The following DPP10 variants were observed in gnomAD, a reference collection of about 807,000 sequenced individuals.
DPP10 encodes the protein inactive dipeptidyl peptidase 10.
DPP10 carries 33 observed loss-of-function variants against 120.9 expected under a neutral mutation model. That is an observed-to-expected ratio of 0.27 (90% CI 0.21 to 0.37). The LOEUF is 0.37. Among genes scored for constraint, DPP10 ranks in the 10% least tolerant of loss-of-function variants. DPP10 has a pLI of 1.00. For synonymous variants in DPP10, 337 were observed against 326.1 expected, an observed-to-expected ratio of 1.03 and a Z score of -0.36; for missense variants, 816 against 942.8, an observed-to-expected ratio of 0.87 and a Z score of 1.76.
At chr2:114,980,228 G>A (rs1012976688) in intron 1 of DPP10, among the ~76,000 whole-genome samples, 1 of 152,108 alleles carries the variant, frequency 6.6e-6, no homozygotes, top group African/African-American at 2.4e-5. Flanking sequence ...CAGCCTATAT[G>A]TGAGGACAGT....
intron 5 of DPP10, among the ~76,000 whole-genome samples, chr2:115,622,707 T>G (rs1221328486): frequency 2.0e-5 from 3 of 152,138 alleles, no homozygotes; most frequent in Non-Finnish European, 4.4e-5. Context: ...CTTCATACTT[T>G]CTAATACTTC....
At chr2:115,251,265 G>T (rs889862086) in intron 1 of DPP10, among the ~76,000 whole-genome samples, 5 of 152,160 alleles carry the variant, frequency 3.3e-5, no homozygotes, top group African/African-American at 1.2e-4. Context: ...AGGTTTGATT[G>T]GCCTAGTTTT....
intron 1 of DPP10, among the ~76,000 whole-genome samples, chr2:115,163,766 T>G (rs2104991859): frequency 6.6e-6 from 1 of 152,298 alleles, no homozygotes; most frequent in East Asian, 1.9e-4. Flanking sequence ...CTTTGCTCAC[T>G]AACCTGTGAC....
chr2:114,726,333 T>A (rs1163652135), intron 1 of DPP10, among the ~76,000 whole-genome samples: 1 of 152,146 alleles, frequency 6.6e-6, no homozygotes, highest in Non-Finnish European at 1.5e-5. Flanking sequence ...CTCAAATTGA[T>A]GTCCAGTGCC....
chr2:115,620,015 G>GT (rs2084825609), intron 5 of DPP10, among the ~76,000 whole-genome samples: 1 of 152,154 alleles, frequency 6.6e-6, no homozygotes, highest in Non-Finnish European at 1.5e-5. Context: ...CATTTCATAC[G>GT]TAGTATGTTG....
intron 5 of DPP10, among the ~76,000 whole-genome samples, chr2:115,656,546 T>C (rs1172511549): frequency 2.0e-5 from 3 of 151,660 alleles, no homozygotes; most frequent in Non-Finnish European, 3.0e-5. Context: ...AATTATAAGT[T>C]CTATCTGGGG....
At chr2:115,648,534 C>T (rs1433072005) in intron 5 of DPP10, among the ~76,000 whole-genome samples, 1 of 151,200 alleles carries the variant, frequency 6.6e-6, no homozygotes, top group African/African-American at 2.4e-5. Flanking sequence ...GTGATGGGTT[C>T]TTAGGTGCAG....
intron 1 of DPP10, among the ~76,000 whole-genome samples, chr2:114,475,844 C>G (rs1379078452): frequency 6.6e-6 from 1 of 152,166 alleles, no homozygotes; most frequent in East Asian, 1.9e-4. Context: ...AATAGGAACT[C>G]TCTTTCCTGT....
rs1261679307 is a variant in DPP10 at position 115,503,734 on chromosome 2, GTTTC to G, written c.366+4140_366+4143del. Among the ~76,000 whole-genome samples the G allele has an allele frequency of 3.9e-5, 6 of 152,232 alleles. No individual in the cohort carries two copies. In the East Asian group the frequency reaches 1.2e-3, roughly 29 times the overall value. On this transcript the variant is annotated intron_variant, in intron 4 of 25. Coordinates refer to ENST00000410059, the MANE Select transcript of DPP10 (RefSeq NM_020868.6). Reference sequence around the variant, plus strand: ...ATCAATGTTGTGTTTTGACAGTATTGTTTCTTTCTTTCTCTAGAGCAGTGTTTCT... The same window carrying G: ...ATCAATGTTGTGTTTTGACAGTATTGTTTCTTTCTCTAGAGCAGTGTTTCT...
chr2:114,660,782 G>T (rs936158824), intron 1 of DPP10, among the ~76,000 whole-genome samples: 13 of 152,152 alleles, frequency 8.5e-5, no homozygotes, highest in African/African-American at 3.1e-4. Context: ...TTGGCAGTAA[G>T]TACTGGCTCT....
chr2:114,567,528 G>T (rs1034681706), intron 1 of DPP10, among the ~76,000 whole-genome samples: 4 of 152,114 alleles, frequency 2.6e-5, no homozygotes, highest in African/African-American at 9.7e-5. Context: ...AACGTATGAG[G>T]CATCTAGAAG....
At chr2:115,435,428 C>T (rs2071406334) in intron 3 of DPP10, among the ~76,000 whole-genome samples, 1 of 151,672 alleles carries the variant, frequency 6.6e-6, no homozygotes, top group Non-Finnish European at 1.5e-5. Flanking sequence ...TGGTTTGATT[C>T]TAATTTCCCT....
chr2:114,759,843 C>A (rs1275209122), intron 1 of DPP10, among the ~76,000 whole-genome samples: 2 of 151,874 alleles, frequency 1.3e-5, no homozygotes, highest in African/African-American at 4.8e-5. Flanking sequence ...AAGATGATGT[C>A]CAAGTGCCAG....
rs564603609 is a variant in DPP10 at position 114,543,880 on chromosome 2, T to TGG, written c.60+101042_60+101043insGG. On this transcript the variant is annotated intron_variant, in intron 1 of 25. Transcript: ENST00000410059. ...TGAATGTAGCTTGTTTTTTTTGTTG[T>TGG]TGGTGGTGGTGGTGGTTGTTTTTGT... 6.2e-3 allele frequency among the ~76,000 whole-genome samples: 941 copies of TGG among 151,366 alleles called. 8 individuals are homozygous for TGG. The highest frequency in any genetic ancestry group is 0.027 in the East Asian group (137 of 5,140).
chr2:114,951,260 A>G (rs1264517506), intron 1 of DPP10, among the ~76,000 whole-genome samples: 2 of 152,172 alleles, frequency 1.3e-5, no homozygotes, highest in South Asian at 2.1e-4. Flanking sequence ...CTCAACCTTC[A>G]GTCATATTTG....
At chr2:115,157,180 A>T (rs921506605) in intron 1 of DPP10, among the ~76,000 whole-genome samples, 5 of 150,904 alleles carry the variant, frequency 3.3e-5, no homozygotes, top group Non-Finnish European at 7.4e-5. Flanking sequence ...TACTGTCTTA[A>T]TTCCTGTATA....
chr2:115,185,503 C>G (rs2105179611), intron 1 of DPP10, among the ~76,000 whole-genome samples: 1 of 152,180 alleles, frequency 6.6e-6, no homozygotes, highest in Admixed American at 6.5e-5. Flanking sequence ...TACCATTTTA[C>G]CAAATGTCCT....
chr2:115,088,762 A>AAAAAAAAAC (rs1559080192), intron 1 of DPP10, among the ~76,000 whole-genome samples: 1 of 150,312 alleles, frequency 6.7e-6, no homozygotes, highest in Non-Finnish European at 1.5e-5. Flanking sequence ...AAAAAAAAAA[A>AAAAAAAAAC]AAAAAAACCA....
intron 3 of DPP10, among the ~76,000 whole-genome samples, chr2:115,384,698 A>G (rs1447846860): frequency 7.4e-6 from 1 of 134,782 alleles, no homozygotes; most frequent in Non-Finnish European, 1.5e-5. Context: ...AAGAAGAAAA[A>G]GAAAGAAGAA....
Sources: gnomAD v4.1 joint callset for allele counts (sites outside exome capture counted in the v4.1 genomes callset) on GRCh38, gnomAD v4.1.1 for gene constraint, MANE v1.5 for transcripts, NCBI Gene and HGNC (gene_info 2026-07-23, HGNC 2026-07-21) for gene names.